Variants in B3GALT1 observed in about 807,000 individuals in gnomAD.
B3GALT1 encodes beta-1,3-galactosyltransferase 1, also known as UDP-Gal:betaGlcNAc beta 1,3-galactosyltransferase, polypeptide 1.
Under a neutral mutation model 23.2 loss-of-function variants are expected in B3GALT1, and 10 were observed. The ratio of observed to expected loss-of-function variants is 0.43; its 90% confidence interval spans 0.27 to 0.73. B3GALT1 has a LOEUF of 0.73. B3GALT1 is among the 30% of genes least tolerant of loss of function. The pLI is 0.21. For synonymous variants in B3GALT1, 156 were observed against 141.5 expected (o/e 1.10, Z -0.73); for missense variants, 299 against 405.4 (o/e 0.74, Z 2.25).
intron 3 of B3GALT1, among the ~76,000 whole-genome samples, chr2:167,770,185 T>C (rs574977114): frequency 1.3e-5 from 2 of 152,324 alleles, no homozygotes; most frequent in South Asian, 4.1e-4. Context: ...TAGCTCACTA[T>C]AGCCTTGAAC....
At chr2:167,791,154 T>G (rs959702033) in intron 3 of B3GALT1, among the ~76,000 whole-genome samples, 8 of 152,152 alleles carry the variant, frequency 5.3e-5, no homozygotes, top group Non-Finnish European at 8.8e-5. Flanking sequence ...GAAAACTCTA[T>G]AGATAGGCAT....
chr2:167,771,048 A>C (rs950984089), intron 3 of B3GALT1, among the ~76,000 whole-genome samples: 1 of 152,198 alleles, frequency 6.6e-6, no homozygotes, highest in Non-Finnish European at 1.5e-5. Context: ...AGTCAGCTGT[A>C]TATTCAAATT....
chr2:167,659,237 G>GT (rs5836155), intron 3 of B3GALT1, among the ~76,000 whole-genome samples: 59,795 of 148,560 alleles, frequency 0.4, 13,413 homozygotes, highest in Middle Eastern at 0.59. Context: ...AGTTCCATGT[G>GT]TTTTTTTTTT....
chr2:167,380,169 C>G (rs1231602064), intron 1 of B3GALT1, among the ~76,000 whole-genome samples: 1 of 152,082 alleles, frequency 6.6e-6, no homozygotes, highest in Admixed American at 6.5e-5. Context: ...GAGGGTGTCC[C>G]CCTGCATGAG....
intron 1 of B3GALT1, among the ~76,000 whole-genome samples, chr2:167,336,962 G>A (rs543446136): frequency 6.6e-6 from 1 of 152,088 alleles, no homozygotes; most frequent in Non-Finnish European, 1.5e-5. Flanking sequence ...GGGTTATGGT[G>A]CAAACAACAG....
chr2:167,306,701 C>T (rs553654362), intron 1 of B3GALT1, among the ~76,000 whole-genome samples: 3 of 151,992 alleles, frequency 2.0e-5, no homozygotes, highest in Non-Finnish European at 4.4e-5. Flanking sequence ...CAAAGTGCAT[C>T]TTAATCACGG....
intron 3 of B3GALT1, among the ~76,000 whole-genome samples, chr2:167,656,661 G>A (rs193124727): frequency 2.7e-4 from 41 of 152,240 alleles, no homozygotes; most frequent in Admixed American, 2.2e-3. Context: ...CATTGAATTG[G>A]CATATTTGAA....
chr2:167,688,504 A>G (rs888046834), intron 3 of B3GALT1, among the ~76,000 whole-genome samples: 3 of 152,282 alleles, frequency 2.0e-5, no homozygotes, highest in African/African-American at 7.2e-5. Context: ...TGAAAAATAC[A>G]ATAATGAAAT....
At chr2:167,765,713 A>T (rs1687966969) in intron 3 of B3GALT1, among the ~76,000 whole-genome samples, 1 of 152,234 alleles carries the variant, frequency 6.6e-6, no homozygotes. Flanking sequence ...ATACGTAGAC[A>T]TAAAAATTCT....
chr2:167,511,107 GT>G (rs1699997254), intron 2 of B3GALT1, among the ~76,000 whole-genome samples: 1 of 152,168 alleles, frequency 6.6e-6, no homozygotes, highest in Admixed American at 6.5e-5. Context: ...AAGGATGTTT[GT>G]TGTAGTGTTT....
chr2:167,788,633 G>A (rs1378566163), intron 3 of B3GALT1, among the ~76,000 whole-genome samples: 1 of 152,078 alleles, frequency 6.6e-6, no homozygotes, highest in Non-Finnish European at 1.5e-5. Context: ...TGTAAATACT[G>A]TTGAAGCTTC....
intron 3 of B3GALT1, among the ~76,000 whole-genome samples, chr2:167,804,679 C>G (rs1469442871): frequency 6.6e-6 from 1 of 152,088 alleles, no homozygotes; most frequent in Non-Finnish European, 1.5e-5. Flanking sequence ...TGGCTGCATA[C>G]TATTCCATGG....
At chr2:167,840,038 T>G (rs967056628) in intron 4 of B3GALT1, among the ~76,000 whole-genome samples, 3 of 152,210 alleles carry the variant, frequency 2.0e-5, no homozygotes, top group African/African-American at 7.2e-5. Context: ...TCAAGATGGA[T>G]TAAAGACTTC....
chr2:167,303,682 C>CACACACACACACACACACACAGAGAG (rs535369991), intron 1 of B3GALT1, among the ~76,000 whole-genome samples: 1 of 148,724 alleles, frequency 6.7e-6, no homozygotes, highest in East Asian at 2.1e-4. Flanking sequence ...CACACACACA[C>CACACACACACACACACACACAGAGAG]AGAGAGAGAC....
intron 1 of B3GALT1, among the ~76,000 whole-genome samples, chr2:167,312,516 GA>G (rs1696648310): frequency 6.6e-6 from 1 of 151,774 alleles, no homozygotes; most frequent in Admixed American, 6.6e-5. Context: ...CAGTCTAAAA[GA>G]GAACAAAAAA....
At chr2:167,535,374 C>A (rs896124468) in intron 2 of B3GALT1, among the ~76,000 whole-genome samples, 3 of 152,086 alleles carry the variant, frequency 2.0e-5, no homozygotes, top group African/African-American at 7.2e-5. Context: ...ATGGGAAAGA[C>A]ATGGCCATCT....
intron 3 of B3GALT1, among the ~76,000 whole-genome samples, chr2:167,766,045 A>G (rs1311526411): frequency 6.6e-6 from 1 of 152,194 alleles, no homozygotes; most frequent in Admixed American, 6.5e-5. Context: ...CCAGACACAT[A>G]CATAAATTTA....
intron 2 of B3GALT1, among the ~76,000 whole-genome samples, chr2:167,579,000 G>T (rs1466840729): frequency 6.6e-6 from 1 of 152,060 alleles, no homozygotes; most frequent in East Asian, 1.9e-4. Flanking sequence ...GGAACAGATG[G>T]TGATAAGTTT....
At chr2:167,325,854 C>A (rs1278422009) in intron 1 of B3GALT1, among the ~76,000 whole-genome samples, 1 of 151,506 alleles carries the variant, frequency 6.6e-6, no homozygotes. Context: ...AGTAGCTGGG[C>A]TTACAGACGT....
Sources: gnomAD v4.1 joint callset for allele counts (sites outside exome capture counted in the v4.1 genomes callset) on GRCh38, gnomAD v4.1.1 for gene constraint, MANE v1.5 for transcripts, NCBI Gene and HGNC (gene_info 2026-07-23, HGNC 2026-07-21) for gene names.